The following FUS variants were observed in gnomAD, a reference collection of about 807,000 sequenced individuals.
FUS encodes RNA-binding protein FUS.
In FUS, 5 loss-of-function variants were observed where a neutral mutation model predicts 82.7. The ratio of observed to expected loss-of-function variants is 0.06; its 90% CI spans 0.03 to 0.13. The LOEUF is 0.13. Among genes scored for constraint, FUS ranks in the 10% least tolerant of loss-of-function variants. The pLI is 1.00. For missense variants in FUS, 512 were observed against 707.8 expected, an observed-to-expected ratio of 0.72 and a Z score of 3.14; for synonymous variants, 281 against 247.4, an observed-to-expected ratio of 1.14 and a Z score of -1.27.
Position 31,190,286 on chromosome 16 carries a change from C to T in FUS, c.1180C>T (p.Arg394Cys), listed in dbSNP as rs781216283. 3.7e-6 allele frequency: 6 copies of T among 1,613,778 alleles called. No individual in the cohort carries two copies. The highest frequency in any genetic ancestry group is 2.2e-5 in the South Asian group (2 of 91,070). Residue 394 changes from arginine (R) to cysteine (C), a missense_variant, in exon 12 of 15, where the codon CGT becomes TGT. Physicochemically the swap from Arg to Cys is radical, Grantham distance 180. Coordinates refer to ENST00000254108, the MANE Select transcript of FUS (RefSeq NM_004960.4). ...GGRGRGGPMG[R>C]GGYGGGGSGG... Reference sequence around the variant, plus strand: ...TCTATCTGCATTAGGACCCATGGGCCGTGGAGGCTATGGAGGTGGTGGCAG... The same window carrying T: ...TCTATCTGCATTAGGACCCATGGGCTGTGGAGGCTATGGAGGTGGTGGCAG...
In FUS at chr16:31,190,176, A is replaced by G; in HGVS notation, c.1168+35A>G. 1.9e-6 allele frequency: 3 copies of G among 1,613,920 alleles called. No individual in the cohort carries two copies. In the South Asian group the frequency reaches 3.3e-5, roughly 18 times the overall value. On this transcript the variant is annotated intron_variant, in intron 11 of 14. Transcript: ENST00000254108. Reference sequence around the variant, plus strand: ...TACCTGCTAGTGGTGCAGAGGGGTAATGGGGAGAGTGCAGAAGATGGTAAA... The same window carrying G: ...TACCTGCTAGTGGTGCAGAGGGGTAGTGGGGAGAGTGCAGAAGATGGTAAA...
At chr16:31,194,240 TGACTC>T (rs2079395478), downstream of FUS, 2 of 531,558 alleles carry the variant, frequency 3.8e-6, no homozygotes, top group African/African-American at 1.9e-5. Flanking sequence ...ATGTGAGACT[TGACTC>T]ACTGATCTAC....
At chr16:31,193,925 G>A (rs1280422304), downstream of FUS, 4 of 529,290 alleles carry the variant, frequency 7.6e-6, no homozygotes, top group African/African-American at 1.9e-5. Flanking sequence ...GGGATCACAG[G>A]TGTGACCCAC....
At chr16:31,189,617 A>T (rs2079322199) in intron 9 of FUS, 48 bp from the exon 10 acceptor site, 2 of 1,613,356 alleles carry the variant, frequency 1.2e-6, no homozygotes, top group Non-Finnish European at 1.7e-6. Flanking sequence ...ATGGAAAGGG[A>T]GTACTGTAGC....
Position 31,182,398 on chromosome 16 carries a change from A to C in FUS, c.14A>C (p.Asp5Ala). 1 of 1,614,200 alleles carries C rather than the reference A, an allele frequency of 6.2e-7. No individual in the cohort carries two copies. The highest frequency in any genetic ancestry group is 1.3e-5 in the African/African-American group (1 of 75,056). The change falls in exon 2 of 15, where the codon GAT (aspartate) becomes GCT (alanine). Residue 5 changes from aspartate (D) to alanine (A), a missense_variant and splice_region_variant. By Grantham distance (126) the Asp-to-Ala change is moderately radical. This residue lies in a region of FUS where 276 missense variants were observed against 303.3 expected (regional missense o/e 0.91). Coordinates refer to ENST00000254108, the MANE Select transcript of FUS (RefSeq NM_004960.4). MASNDYTQQATQSYG... is the reference protein window; with the variant it reads MASNAYTQQATQSYG... ...ATGTGATTGTATTTTTCTTTTGCAG[A>C]TTATACCCAACAAGCAACCCAAAGG...
chr16:31,189,977 C>T (rs1277139994), intron 10 of FUS, 63 bp from the exon 11 acceptor site: 28 of 1,563,534 alleles, frequency 1.8e-5, no homozygotes, highest in Non-Finnish European at 2.4e-5. Context: ...GCACGCTTCT[C>T]TTGTATTTTC....
intron 3 of FUS, 39 bp downstream of exon 3, chr16:31,182,703 C>T (rs1324514282): frequency 6.2e-7 from 1 of 1,613,074 alleles, no homozygotes; most frequent in African/African-American, 1.3e-5. Flanking sequence ...CCTACTCTTT[C>T]TGAATATTGC....
At chr16:31,189,574 G>T in intron 9 of FUS, 91 bp from the exon 10 acceptor site, 1 of 1,571,572 alleles carries the variant, frequency 6.4e-7, no homozygotes, top group Non-Finnish European at 8.7e-7. Context: ...CTGAAGTTTG[G>T]GAATTATAAA....
chr16:31,188,198 A>T, intron 7 of FUS, 127 bp from the exon 8 acceptor site: 4 of 1,002,310 alleles, frequency 4.0e-6, no homozygotes, highest in Non-Finnish European at 6.0e-6. Flanking sequence ...GTGAGCACTT[A>T]CTTGATATTT....
intron 6 of FUS, chr16:31,186,502 A>G (rs976311494): frequency 6.2e-6 from 3 of 486,042 alleles, no homozygotes; most frequent in African/African-American, 5.8e-5. Context: ...GGAAAAAAAA[A>G]CATCTGCTCC....
chr16:31,185,437 T>C, intron 6 of FUS: 1 of 660,722 alleles, frequency 1.5e-6, no homozygotes, highest in Non-Finnish European at 2.7e-6. Flanking sequence ...AAAGAAACCA[T>C]ACATAGATAC....
downstream of FUS, chr16:31,193,752 C>T (rs768611402): frequency 3.8e-6 from 2 of 531,562 alleles, no homozygotes; most frequent in East Asian, 3.9e-5. Flanking sequence ...CCCACCTCAG[C>T]CTCCCAAGTA....
At chr16:31,190,465 G>T (rs2079337931) in intron 12 of FUS, 67 bp downstream of exon 12, 3 of 1,606,324 alleles carry the variant, frequency 1.9e-6, no homozygotes, top group Middle Eastern at 1.7e-4. Context: ...TGGTACTGAG[G>T]TATGTGCGTG....
rs778539409 is a variant in FUS at position 31,180,263 on chromosome 16, C to A, written c.13+36C>A. 10 of 1,594,606 alleles carry A rather than the reference C, an allele frequency of 6.3e-6. No individual in the cohort carries two copies. In the East Asian group the frequency reaches 2.0e-4, roughly 33 times the overall value. On this transcript the variant is annotated intron_variant, in intron 1 of 14. Coordinates refer to ENST00000254108, the MANE Select transcript of FUS (RefSeq NM_004960.4). Reference sequence around the variant, plus strand: ...GCGCGAGGCGACGGCGGCGGCGCACCCGGCCGAGGCCTCCCAGCTGGGCTT... The same window carrying A: ...GCGCGAGGCGACGGCGGCGGCGCACACGGCCGAGGCCTCCCAGCTGGGCTT...
chr16:31,192,285 A>G, downstream of FUS: 1 of 525,644 alleles, frequency 1.9e-6, no homozygotes, highest in Non-Finnish European at 3.7e-6. Flanking sequence ...AGGGAATGAT[A>G]AGTGATAAGA....
At chr16:31,185,645 A>G (rs771017081) in intron 6 of FUS, 15 of 483,210 alleles carry the variant, frequency 3.1e-5, no homozygotes, top group Non-Finnish European at 4.9e-5. Context: ...CCCGTTTTCT[A>G]TAGTCATTTG....
chr16:31,186,407 C>A (rs1034254047), intron 6 of FUS: 4 of 383,580 alleles, frequency 1.0e-5, no homozygotes, highest in African/African-American at 8.0e-5. Flanking sequence ...TCAAGGCTAC[C>A]CCAGCCTGGT....
At chr16:31,189,830 G>A (rs879237367) in intron 10 of FUS, 36 bp downstream of exon 10, 12 of 1,613,286 alleles carry the variant, frequency 7.4e-6, no homozygotes, top group Non-Finnish European at 9.3e-6. Context: ...TGGGGCTGGG[G>A]ATATAGGGCA....
downstream of FUS, chr16:31,193,618 C>T: frequency 1.9e-6 from 1 of 529,610 alleles, no homozygotes. Flanking sequence ...TGGCCTTGAC[C>T]TTAAAAGGAA....
Sources: allele counts gnomAD v4.1 joint callset, GRCh38; gene constraint gnomAD v4.1.1; regional missense constraint gnomAD v4.1.1; transcripts MANE v1.5; gene names NCBI Gene and HGNC (gene_info 2026-07-23, HGNC 2026-07-21).